Variants in KATNB1 observed in about 807,000 individuals in gnomAD.
KATNB1 encodes katanin regulatory subunit B1.
Under a neutral mutation model 82.3 loss-of-function variants are expected in KATNB1, and 38 were observed. That is an observed-to-expected ratio of 0.46 (90% CI 0.36 to 0.61). KATNB1 has a LOEUF of 0.61. Ranked by LOEUF, KATNB1 falls within the 20% of genes least tolerant of loss-of-function variation. The probability of loss-of-function intolerance (pLI) is 0.00; values close to 1 mark genes in which losing one functional copy is unlikely to be tolerated. For synonymous variants in KATNB1, 361 were observed against 368.7 expected (o/e 0.98, Z 0.24); for missense variants, 749 against 915.7 (o/e 0.82, Z 2.35).
In KATNB1 at chr16:57,751,152, C is replaced by A; in HGVS notation, c.391-109C>A. 9.3e-7 allele frequency: 1 copy of A among 1,076,554 alleles called. No homozygotes were observed. Among genetic ancestry groups the A allele is most frequent in the Admixed American group, 1.8e-5 (1 of 56,710 alleles). 66.7% of individuals were successfully genotyped at this position (1,076,554 alleles called of 1,614,324 possible). On this transcript the variant is annotated intron_variant, in intron 5 of 19. Coordinates refer to ENST00000379661, the MANE Select transcript of KATNB1 (RefSeq NM_005886.3). The surrounding 1 kb of genome is among the most constrained non-coding windows in gnomAD (Gnocchi z 6.3). Reference sequence around the variant, plus strand: ...CTGTCCTTGTCTCCGTGGGGAGTAACGACCTAGAGAAGGCTGGGCCCCACC... The same window carrying A: ...CTGTCCTTGTCTCCGTGGGGAGTAAAGACCTAGAGAAGGCTGGGCCCCACC...
chr16:57,741,846 G>A (rs2049145687), intron 3 of KATNB1, 29 bp downstream of exon 3: 3 of 1,605,884 alleles, frequency 1.9e-6, no homozygotes, highest in African/African-American at 1.3e-5. Context: ...CGGGGGGTCA[G>A]GACAAGGGCC....
chr16:57,743,540 G>A (rs1555580331), intron 3 of KATNB1, among the ~76,000 whole-genome samples: 2 of 152,218 alleles, frequency 1.3e-5, no homozygotes. Context: ...ACCAATGACT[G>A]ACCAAAAATA....
intron 2 of KATNB1, among the ~76,000 whole-genome samples, chr16:57,740,269 T>C (rs1053968108): frequency 6.6e-5 from 10 of 152,216 alleles, no homozygotes; most frequent in Admixed American, 2.0e-4. Context: ...CGCTGCTGCC[T>C]GTGCTGGCTC....
Position 57,736,654 on chromosome 16 carries a change from G to A in KATNB1, c.-266-324G>A, listed in dbSNP as rs575720070. The A allele has an allele frequency of 1.3e-3, 280 of 209,594 alleles. 1 individual carries two copies. Among genetic ancestry groups the A allele is most frequent in the South Asian group, 2.8e-3 (42 of 14,940 alleles). The allele number at this position is 209,594 out of a possible 1,614,324, so 13.0% of individuals were successfully genotyped here. ...ATCCCACACGTCAGACAAAAACAACGACTCGCAGGAAATCTATGTGAATTG... is the reference window on the plus strand; with the variant it reads ...ATCCCACACGTCAGACAAAAACAACAACTCGCAGGAAATCTATGTGAATTG... On this transcript the variant is annotated intron_variant, in intron 1 of 19. Coordinates refer to ENST00000379661, the MANE Select transcript of KATNB1 (RefSeq NM_005886.3).
chr16:57,752,409 A>G (rs1292634055), intron 8 of KATNB1, 121 bp from the exon 9 acceptor site: 15 of 872,836 alleles, frequency 1.7e-5, no homozygotes, highest in African/African-American at 1.2e-4. Flanking sequence ...TCTGCCCCAG[A>G]TGTTGCTCCT....
chr16:57,756,319 T>G, intron 18 of KATNB1, 37 bp from the exon 19 acceptor site: 1 of 1,560,908 alleles, frequency 6.4e-7, no homozygotes, highest in Non-Finnish European at 8.8e-7. Flanking sequence ...TCTGTGGCCC[T>G]TGGTCCATCT....
intron 16 of KATNB1, 103 bp downstream of exon 16, chr16:57,755,597 A>AGT: frequency 7.0e-7 from 1 of 1,433,126 alleles, no homozygotes; most frequent in South Asian, 1.3e-5. Flanking sequence ...CATGGGGGAC[A>AGT]GTGTGGGATA....
At chr16:57,755,810 C>T (rs782485629) in intron 16 of KATNB1, 31 bp from the exon 17 acceptor site, 41 of 1,559,614 alleles carry the variant, frequency 2.6e-5, no homozygotes, top group East Asian at 2.3e-5. Flanking sequence ...TCCCCCACTG[C>T]CCCACCCCTG....
intron 18 of KATNB1, 128 bp from the exon 19 acceptor site, chr16:57,756,228 G>C (rs2049276316): frequency 9.0e-7 from 1 of 1,105,656 alleles, no homozygotes; most frequent in Non-Finnish European, 1.4e-6. Flanking sequence ...GTGGAAACAG[G>C]CGTGTGTGGG....
At chr16:57,748,584 TG>T (rs2049201000) in intron 4 of KATNB1, among the ~76,000 whole-genome samples, 2 of 151,702 alleles carry the variant, frequency 1.3e-5, no homozygotes, top group African/African-American at 4.8e-5. Context: ...TGGGAGGCGT[TG>T]GGGGTTCCTG....
intron 4 of KATNB1, among the ~76,000 whole-genome samples, chr16:57,747,833 CACAATTGTTTTGCTCACAGGGGAA>C (rs1555581844): frequency 1.3e-5 from 2 of 152,202 alleles, no homozygotes; most frequent in African/African-American, 4.8e-5. Flanking sequence ...CTTTCTCATC[CACAATTGTTTTGCTCACAGGGGAA>C]ATGTGAGGAA....
intron 8 of KATNB1, 167 bp from the exon 9 acceptor site, chr16:57,752,363 C>G: frequency 1.4e-6 from 1 of 689,762 alleles, no homozygotes; most frequent in Non-Finnish European, 2.5e-6. Flanking sequence ...CCAGGGCCAT[C>G]GGGCCGAGCC....
intron 4 of KATNB1, among the ~76,000 whole-genome samples, chr16:57,749,661 G>A (rs1555582480): frequency 1.3e-5 from 2 of 152,150 alleles, no homozygotes; most frequent in African/African-American, 4.8e-5. Flanking sequence ...TCCAAAAGCA[G>A]GAAACATGAG....
intron 2 of KATNB1, among the ~76,000 whole-genome samples, chr16:57,739,075 C>G (rs576963323): frequency 6.6e-6 from 1 of 152,320 alleles, no homozygotes; most frequent in Admixed American, 6.5e-5. Context: ...TGGGCAGTGG[C>G]ACAGCAGCAG....
intron 4 of KATNB1, among the ~76,000 whole-genome samples, chr16:57,746,354 C>T (rs911430758): frequency 2.7e-5 from 4 of 148,342 alleles, no homozygotes; most frequent in Admixed American, 6.7e-5. Context: ...TCCTTCCTCT[C>T]TCTCTCTCTT....
chr16:57,756,433 C>A lies in KATNB1; in HGVS notation c.1796C>A (p.Ala599Asp). 1.9e-6 allele frequency: 3 copies of A among 1,613,840 alleles called. No homozygotes were observed. The highest frequency in any genetic ancestry group is 2.2e-5 in the South Asian group (2 of 91,088). ...FLPLITDMLA[A>D]PPSVGVDISR... Reference sequence around the variant, plus strand: ...CCCCTCATCACAGACATGCTGGCGGCCCCACCCTCTGTGGGTGTGGATATC... The same window carrying A: ...CCCCTCATCACAGACATGCTGGCGGACCCACCCTCTGTGGGTGTGGATATC... Residue 599 changes from alanine to aspartate, a missense_variant, in exon 19 of 20, where the codon GCC becomes GAC. Coordinates refer to ENST00000379661, the MANE Select transcript of KATNB1 (RefSeq NM_005886.3).
intron 3 of KATNB1, among the ~76,000 whole-genome samples, chr16:57,742,213 G>A (rs1283181503): frequency 2.0e-5 from 3 of 152,252 alleles, no homozygotes; most frequent in Non-Finnish European, 2.9e-5. Flanking sequence ...ACATGTGGGC[G>A]TTTATTTTAA....
chr16:57,748,801 G>A (rs928671063), intron 4 of KATNB1, among the ~76,000 whole-genome samples: 4 of 152,368 alleles, frequency 2.6e-5, no homozygotes, highest in Middle Eastern at 3.4e-3. Context: ...ACAGGAGGGC[G>A]GCCGGTGCTT....
chr16:57,755,754 A>G (rs2049270936), intron 16 of KATNB1, 87 bp from the exon 17 acceptor site: 1 of 1,275,436 alleles, frequency 7.8e-7, no homozygotes, highest in African/African-American at 1.5e-5. Context: ...CAGCACACCC[A>G]CATTCACGTT....
Sources: allele counts gnomAD v4.1 joint callset (sites outside exome capture counted in the v4.1 genomes callset), GRCh38; gene constraint gnomAD v4.1.1; non-coding constraint Gnocchi (gnomAD v3.1); transcripts MANE v1.5; gene names NCBI Gene and HGNC (gene_info 2026-07-23, HGNC 2026-07-21).